HMGA2: variants seen among roughly 807,000 people sequenced by gnomAD.
HMGA2 encodes the protein high mobility group protein HMGI-C.
Under a neutral mutation model 19.1 loss-of-function variants are expected in HMGA2, and 8 were observed. The observed-to-expected ratio is 0.42, with a 90% CI of 0.25 to 0.76. The LOEUF is 0.76. Ranked by LOEUF, HMGA2 falls within the 30% of genes least tolerant of loss-of-function variation. The pLI is 0.28. For synonymous variants in HMGA2, 60 were observed against 48.8 expected, an observed-to-expected ratio of 1.23 and a Z score of -0.96; for missense variants, 109 against 136.3, an observed-to-expected ratio of 0.80 and a Z score of 1.00.
At chr12:65,880,283 C>G (rs959208269) in intron 3 of HMGA2, among the ~76,000 whole-genome samples, 1 of 152,206 alleles carries the variant, frequency 6.6e-6, no homozygotes, top group Non-Finnish European at 1.5e-5. Context: ...GGCATCTCCT[C>G]ACTCACAGAA....
intron 3 of HMGA2, among the ~76,000 whole-genome samples, chr12:65,890,659 T>C (rs1034162076): frequency 1.4e-4 from 21 of 152,016 alleles, no homozygotes; most frequent in African/African-American, 5.1e-4. Context: ...CTGAACTCCA[T>C]GAAAGGGAAG....
intron 3 of HMGA2, among the ~76,000 whole-genome samples, chr12:65,933,501 A>C (rs1293015372): frequency 6.6e-6 from 1 of 152,230 alleles, no homozygotes; most frequent in Non-Finnish European, 1.5e-5. Flanking sequence ...AATAGATTGC[A>C]TTTCTTATGA....
intron 3 of HMGA2, among the ~76,000 whole-genome samples, chr12:65,890,031 A>T (rs1020064887): frequency 2.7e-4 from 41 of 152,206 alleles, no homozygotes; most frequent in Non-Finnish European, 1.5e-5. Context: ...GTCCTATACA[A>T]CAACAACATC....
intron 3 of HMGA2, chr12:65,881,928 T>C (rs1170569295): frequency 4.3e-6 from 3 of 701,584 alleles, no homozygotes; most frequent in Admixed American, 4.0e-5. Flanking sequence ...GCAGAAGGCA[T>C]GGAGAGATTC....
intron 3 of HMGA2, among the ~76,000 whole-genome samples, chr12:65,884,588 C>T: frequency 6.6e-6 from 1 of 152,172 alleles, no homozygotes; most frequent in Non-Finnish European, 1.5e-5. Flanking sequence ...TACATTTATG[C>T]ATGTAATTTG....
Position 65,825,437 on chromosome 12 carries a change from C to T in HMGA2, c.111+56C>T. On this transcript the variant is annotated intron_variant, in intron 1 of 4. Transcript: ENST00000403681. This position sits in a 1 kb window ranked among gnomAD's most constrained non-coding sequence, Gnocchi z 4.4. ...CCCACCCCGTCCCCACTGCCGGGGC[C>T]CAGACACGCGCGGGGCGGCCGGAGT... The T allele has an allele frequency of 7.8e-7, 1 of 1,281,288 alleles. No individual in the cohort carries two copies. The highest frequency in any genetic ancestry group is 1.0e-6 in the Non-Finnish European group (1 of 964,132). The allele number at this position is 1,281,288 out of a possible 1,614,324, so 79.4% of individuals were successfully genotyped here.
intron 4 of HMGA2, chr12:65,952,183 T>C (rs1376206721): frequency 5.3e-6 from 3 of 564,944 alleles, no homozygotes; most frequent in Non-Finnish European, 6.3e-6. Context: ...CCCTTCTGTA[T>C]GTAAATAGTC....
intron 3 of HMGA2, chr12:65,843,364 C>T (rs1871087476): frequency 4.8e-6 from 1 of 207,128 alleles, no homozygotes; most frequent in Non-Finnish European, 9.8e-6. Flanking sequence ...GCTTGTGATA[C>T]ACAGGAAAGT....
chr12:65,935,514 T>TC (rs915365425), intron 3 of HMGA2, among the ~76,000 whole-genome samples: 1 of 152,182 alleles, frequency 6.6e-6, no homozygotes, highest in Non-Finnish European at 1.5e-5. Flanking sequence ...CTTTTTTTTT[T>TC]TCTGTCTGCA....
chr12:65,833,746 A>G (rs991332566), intron 2 of HMGA2, among the ~76,000 whole-genome samples: 7 of 152,228 alleles, frequency 4.6e-5, no homozygotes, highest in Non-Finnish European at 7.3e-5. Context: ...CATTGAAATC[A>G]GATTGGGTCT....
At chr12:65,834,203 C>T (rs1436840573) in intron 2 of HMGA2, among the ~76,000 whole-genome samples, 1 of 152,200 alleles carries the variant, frequency 6.6e-6, no homozygotes, top group Non-Finnish European at 1.5e-5. Context: ...AGGTAGATTT[C>T]TGTTATCTCC....
chr12:65,908,740 C>T (rs1299634557), intron 3 of HMGA2, among the ~76,000 whole-genome samples: 1 of 152,288 alleles, frequency 6.6e-6, no homozygotes, highest in East Asian at 1.9e-4. Flanking sequence ...TTAGTAAGAA[C>T]GTTTATTCTG....
At chr12:65,865,276 G>A (rs73119885) in intron 3 of HMGA2, among the ~76,000 whole-genome samples, 2,813 of 152,246 alleles carry the variant, frequency 0.018, 50 homozygotes, top group Middle Eastern at 0.041. Flanking sequence ...AAAGTTTTGC[G>A]TGGATTTTTG....
intron 3 of HMGA2, chr12:65,866,792 A>G (rs1336256051): frequency 2.2e-6 from 1 of 456,386 alleles, no homozygotes; most frequent in Admixed American, 2.4e-5. Context: ...AAAAAAAATC[A>G]CTAACACTTA....
In HMGA2 at chr12:65,966,157, A is replaced by G. The variant is rs951529802; in HGVS notation, c.*2865A>G. 1 of 205,436 alleles carries G rather than the reference A, an allele frequency of 4.9e-6. No individual in the cohort carries two copies. The highest frequency in any genetic ancestry group is 2.3e-5 in the African/African-American group (1 of 43,730). 12.7% of individuals were successfully genotyped at this position (205,436 alleles called of 1,614,324 possible). ...TGTACTTTGAATCGCTTGCTTGTTG[A>G]AAATATTTCTCTAGTGTATTATCAC... On this transcript the variant is annotated 3_prime_UTR_variant, in exon 5 of 5. Transcript: ENST00000403681.
intron 2 of HMGA2, 136 bp from the exon 3 acceptor site, chr12:65,838,383 T>C: frequency 1.5e-6 from 1 of 668,266 alleles, no homozygotes; most frequent in East Asian, 2.7e-5. Flanking sequence ...ACGAAGTTTG[T>C]TAAAAAAAAC....
intron 3 of HMGA2, chr12:65,856,499 G>T (rs747830736): frequency 6.6e-6 from 1 of 152,176 alleles, no homozygotes; most frequent in East Asian, 1.9e-4. Flanking sequence ...TGCCTCACCC[G>T]ATCTTCCTTG....
intron 3 of HMGA2, among the ~76,000 whole-genome samples, chr12:65,938,424 C>T (rs139103396): frequency 2.0e-3 from 308 of 152,310 alleles, no homozygotes; most frequent in African/African-American, 7.2e-3. Context: ...TCTTTATCTA[C>T]AGTCTTACAA....
chr12:65,867,701 A>C, intron 3 of HMGA2: 2 of 232,504 alleles, frequency 8.6e-6, no homozygotes, highest in South Asian at 1.2e-4. Context: ...GGCTGCCTGC[A>C]GGAGAAGAAC....
Sources: allele counts gnomAD v4.1 joint callset (sites outside exome capture counted in the v4.1 genomes callset), GRCh38; gene constraint gnomAD v4.1.1; non-coding constraint Gnocchi (gnomAD v3.1); transcripts MANE v1.5; gene names NCBI Gene and HGNC (gene_info 2026-07-23, HGNC 2026-07-21).